GRIK2: variants seen among roughly 807,000 people sequenced by gnomAD.
GRIK2 encodes glutamate ionotropic receptor kainate type subunit 2, also known as glutamate receptor ionotropic, kainate 2.
Under a neutral mutation model 100.3 loss-of-function variants are expected in GRIK2, and 32 were observed. The ratio of observed to expected loss-of-function variants is 0.32; its 90% CI spans 0.24 to 0.43. The LOEUF is 0.43. GRIK2 is among the 20% of genes least tolerant of loss of function. The pLI is 1.00. For synonymous variants in GRIK2, 417 were observed against 389.4 expected (o/e 1.07, Z -0.83); for missense variants, 843 against 1,114.9 (o/e 0.76, Z 3.47).
At chr6:101,815,078 G>C (rs920095167) in intron 9 of GRIK2, among the ~76,000 whole-genome samples, 1 of 152,122 alleles carries the variant, frequency 6.6e-6, no homozygotes, top group Non-Finnish European at 1.5e-5. Context: ...CTGATGTTAA[G>C]TGGTGGACAT....
chr6:101,638,071 AT>A (rs1173720511), intron 4 of GRIK2, among the ~76,000 whole-genome samples: 1 of 151,954 alleles, frequency 6.6e-6, no homozygotes, highest in Non-Finnish European at 1.5e-5. Flanking sequence ...AGTAAGTCTT[AT>A]TTTTAGCATC....
intron 12 of GRIK2, among the ~76,000 whole-genome samples, chr6:101,910,410 G>A (rs1260468527): frequency 6.6e-6 from 1 of 150,946 alleles, no homozygotes; most frequent in Non-Finnish European, 1.5e-5. Flanking sequence ...TCTAATGTTT[G>A]CTTTGGCCAT....
At chr6:101,539,490 A>T (rs1358688228) in intron 2 of GRIK2, among the ~76,000 whole-genome samples, 1 of 151,858 alleles carries the variant, frequency 6.6e-6, no homozygotes, top group Non-Finnish European at 1.5e-5. Context: ...ATAAAGTGTC[A>T]TCTCAGATTA....
chr6:101,565,279 A>G (rs1777201280), intron 2 of GRIK2, among the ~76,000 whole-genome samples: 1 of 152,116 alleles, frequency 6.6e-6, no homozygotes, highest in Non-Finnish European at 1.5e-5. Context: ...TAATTCTGCC[A>G]ATCTTTATCC....
At chr6:101,934,563 A>G (rs1209401009) in intron 14 of GRIK2, among the ~76,000 whole-genome samples, 2 of 151,884 alleles carry the variant, frequency 1.3e-5, no homozygotes, top group East Asian at 3.9e-4. Flanking sequence ...GTATACTACA[A>G]GAATGTAAGT....
At chr6:101,616,963 T>A (rs1244190929) in intron 2 of GRIK2, among the ~76,000 whole-genome samples, 2 of 151,752 alleles carry the variant, frequency 1.3e-5, no homozygotes, top group Non-Finnish European at 2.9e-5. Flanking sequence ...AGTTTTTTTA[T>A]TGAATATATT....
intron 2 of GRIK2, among the ~76,000 whole-genome samples, chr6:101,612,553 G>A (rs2128313687): frequency 1.3e-5 from 2 of 151,894 alleles, no homozygotes; most frequent in East Asian, 3.9e-4. Flanking sequence ...GCTTCAAATT[G>A]CAGGAGTTTG....
intron 16 of GRIK2, among the ~76,000 whole-genome samples, chr6:102,060,677 C>G (rs1387608060): frequency 1.3e-5 from 2 of 150,360 alleles, no homozygotes; most frequent in African/African-American, 4.9e-5. Context: ...CCCAGTAATG[C>G]CTTTTTAGAA....
intron 11 of GRIK2, chr6:101,860,991 T>C (rs1784704027): frequency 3.3e-6 from 2 of 604,348 alleles, no homozygotes; most frequent in Non-Finnish European, 4.2e-6. Flanking sequence ...TTTCCCATAC[T>C]CGGTAGGGCT....
At chr6:101,834,039 A>G (rs1213199169) in intron 10 of GRIK2, among the ~76,000 whole-genome samples, 1 of 151,996 alleles carries the variant, frequency 6.6e-6, no homozygotes, top group African/African-American at 2.4e-5. Flanking sequence ...AGCTTTCATA[A>G]TTTATTTTAT....
At chr6:101,424,191 T>C (rs781451531) in intron 2 of GRIK2, among the ~76,000 whole-genome samples, 8 of 152,192 alleles carry the variant, frequency 5.3e-5, no homozygotes, top group Non-Finnish European at 1.2e-4. Context: ...TATTATACTT[T>C]AAGTTTTAGG....
intron 14 of GRIK2, among the ~76,000 whole-genome samples, chr6:102,019,043 A>G (rs1346148782): frequency 6.6e-6 from 1 of 152,106 alleles, no homozygotes; most frequent in East Asian, 1.9e-4. Context: ...TTAAAAATAG[A>G]TAAAATTTGA....
At chr6:101,792,832 C>G (rs1779980023) in intron 7 of GRIK2, among the ~76,000 whole-genome samples, 1 of 152,276 alleles carries the variant, frequency 6.6e-6, no homozygotes, top group East Asian at 1.9e-4. Context: ...CTCCCCGTCT[C>G]TTTCAGGTAC....
At chr6:101,583,536 C>A (rs1778204152) in intron 2 of GRIK2, among the ~76,000 whole-genome samples, 1 of 152,120 alleles carries the variant, frequency 6.6e-6, no homozygotes, top group Non-Finnish European at 1.5e-5. Flanking sequence ...AATTTGCCCT[C>A]TAGTCCTTAG....
chr6:101,829,311 A>C (rs1782529805), intron 10 of GRIK2, among the ~76,000 whole-genome samples: 1 of 152,066 alleles, frequency 6.6e-6, no homozygotes, highest in African/African-American at 2.4e-5. Flanking sequence ...AAAGGTTGGA[A>C]GCATGGCCCT....
chr6:101,819,815 T>A (rs1323303764), intron 10 of GRIK2, among the ~76,000 whole-genome samples: 1 of 152,146 alleles, frequency 6.6e-6, no homozygotes, highest in Non-Finnish European at 1.5e-5. Context: ...AAAGTCTAAT[T>A]CTGTTCCAGG....
intron 15 of GRIK2, among the ~76,000 whole-genome samples, chr6:102,045,330 A>AATG (rs1770825978): frequency 6.6e-6 from 1 of 152,150 alleles, no homozygotes; most frequent in Non-Finnish European, 1.5e-5. Context: ...CAGGCGTAAG[A>AATG]ATGATAACTC....
At chr6:102,043,660 T>A (rs923132347) in intron 15 of GRIK2, among the ~76,000 whole-genome samples, 2 of 151,974 alleles carry the variant, frequency 1.3e-5, no homozygotes, top group Non-Finnish European at 2.9e-5. Flanking sequence ...CTCTGATCCA[T>A]TATAAATATA....
chr6:101,643,773 A>G (rs932762481), intron 4 of GRIK2, among the ~76,000 whole-genome samples: 4 of 151,706 alleles, frequency 2.6e-5, no homozygotes, highest in East Asian at 3.9e-4. Flanking sequence ...TTTTATTGGA[A>G]TTTTGATAGA....
Sources: gnomAD v4.1 joint callset for allele counts (sites outside exome capture counted in the v4.1 genomes callset) on GRCh38, gnomAD v4.1.1 for gene constraint, MANE v1.5 for transcripts, NCBI Gene and HGNC (gene_info 2026-07-23, HGNC 2026-07-21) for gene names.